The following PCDHA12 variants were observed in gnomAD, a reference collection of about 807,000 sequenced individuals.
PCDHA12 encodes the protein protocadherin alpha-12.
Under a neutral mutation model 60.0 loss-of-function variants are expected in PCDHA12, and 44 were observed. The ratio of observed to expected loss-of-function variants is 0.73; its 90% CI spans 0.58 to 0.94. The LOEUF (loss-of-function observed/expected upper bound fraction) is 0.94, where lower values mean the gene tolerates loss of function less well. Ranked by LOEUF, PCDHA12 falls within the 40% of genes least tolerant of loss-of-function variation. The pLI is 0.00. For synonymous variants in PCDHA12, 569 were observed against 553.0 expected (o/e 1.03, Z -0.40); for missense variants, 1,276 against 1,239.7 (o/e 1.03, Z -0.44).
intron 2 of PCDHA12, among the ~76,000 whole-genome samples, chr5:140,981,442 C>T (rs1379745081): frequency 6.6e-6 from 1 of 151,988 alleles, no homozygotes; most frequent in Non-Finnish European, 1.5e-5. Flanking sequence ...GGCATGGTGG[C>T]GGGTGCCTGT....
chr5:140,931,759 T>C (rs2087738384), intron 1 of PCDHA12, among the ~76,000 whole-genome samples: 2 of 151,994 alleles, frequency 1.3e-5, no homozygotes, highest in African/African-American at 4.8e-5. Flanking sequence ...GCATTTGTTA[T>C]TTACTTCTTC....
intron 3 of PCDHA12, among the ~76,000 whole-genome samples, chr5:141,005,571 G>A (rs1053042213): frequency 4.0e-5 from 6 of 151,334 alleles, no homozygotes; most frequent in African/African-American, 4.9e-5. Context: ...GCATGGTGGC[G>A]CGTGCCTGTA....
chr5:140,971,386 G>A (rs1413710321), intron 1 of PCDHA12, among the ~76,000 whole-genome samples: 1 of 152,140 alleles, frequency 6.6e-6, no homozygotes, highest in East Asian at 1.9e-4. Flanking sequence ...CTTTAATAAA[G>A]GCAAATTTCT....
At position 141,010,088 on chromosome 5, in the gene PCDHA12, C is replaced by T. The variant is rs1165296922; in HGVS notation, c.*151C>T. ...GAAAGTTCCCTGTGTCTGTCTAGAA[C>T]GCATTTAACAGGTTTTGTCGTAAAA... On this transcript the variant is annotated 3_prime_UTR_variant, in exon 4 of 4. Transcript: ENST00000398631. 2.0e-5 allele frequency: 33 copies of T among 1,612,012 alleles called. No homozygotes were observed. Among genetic ancestry groups the T allele is most frequent in the South Asian group, 4.4e-5 (4 of 90,728 alleles).
At chr5:140,927,946 G>T (rs1341193072) in intron 1 of PCDHA12, 1 of 1,614,096 alleles carries the variant, frequency 6.2e-7, no homozygotes, top group African/African-American at 1.3e-5. Context: ...AGTACCTGAG[G>T]ACGCTGCCCC....
At chr5:140,890,707 T>A (rs1217575075) in intron 1 of PCDHA12, among the ~76,000 whole-genome samples, 1 of 152,206 alleles carries the variant, frequency 6.6e-6, no homozygotes, top group African/African-American at 2.4e-5. Context: ...CTTACATTTT[T>A]AAAATCTTTT....
At chr5:140,967,166 G>T (rs563863114) in intron 1 of PCDHA12, 1 of 1,611,394 alleles carries the variant, frequency 6.2e-7, no homozygotes, top group South Asian at 1.1e-5. Context: ...GGTGAGCGCC[G>T]TTGAGGTGGA....
At chr5:140,963,517 T>C (rs2095769422) in intron 1 of PCDHA12, among the ~76,000 whole-genome samples, 1 of 152,238 alleles carries the variant, frequency 6.6e-6, no homozygotes, top group East Asian at 1.9e-4. Flanking sequence ...GGGGTTCTCA[T>C]AACAGAAGTC....
At chr5:140,928,855 C>T (rs781997277) in intron 1 of PCDHA12, 1 of 1,614,184 alleles carries the variant, frequency 6.2e-7, no homozygotes, top group Non-Finnish European at 8.5e-7. Context: ...TCTGGGTGTG[C>T]TGTTGAGCAA....
chr5:140,995,401 G>A (rs576317630), intron 3 of PCDHA12, among the ~76,000 whole-genome samples: 7 of 152,238 alleles, frequency 4.6e-5, no homozygotes, highest in African/African-American at 1.4e-4. Context: ...GGGATGGCTC[G>A]AGATTTCATC....
At chr5:140,947,371 A>G (rs1468768080) in intron 1 of PCDHA12, among the ~76,000 whole-genome samples, 1 of 151,626 alleles carries the variant, frequency 6.6e-6, no homozygotes, top group Non-Finnish European at 1.5e-5. Context: ...CCTTTGATCT[A>G]TATGTTTATC....
At chr5:140,994,562 G>A (rs1554254244) in intron 3 of PCDHA12, among the ~76,000 whole-genome samples, 2 of 152,094 alleles carry the variant, frequency 1.3e-5, no homozygotes, top group Non-Finnish European at 2.9e-5. Context: ...AAAATTAGCC[G>A]GGTGTGGTGG....
At chr5:140,889,156 G>T in intron 1 of PCDHA12, among the ~76,000 whole-genome samples, 1 of 150,034 alleles carries the variant, frequency 6.7e-6, no homozygotes, top group Admixed American at 6.6e-5. Flanking sequence ...TTTCTTCTTT[G>T]TTAAGTATTC....
At position 140,875,378 on chromosome 5, in the gene PCDHA12, T is replaced by C. The variant is rs758524366; in HGVS notation, c.-95T>C. 85 of 1,458,484 alleles carry C rather than the reference T, an allele frequency of 5.8e-5. No homozygotes were observed. Among genetic ancestry groups the C allele is most frequent in the Non-Finnish European group, 7.4e-5 (82 of 1,105,858 alleles). 90.3% of individuals were successfully genotyped at this position (1,458,484 alleles called of 1,614,324 possible). Reference sequence around the variant, plus strand: ...GATGCTGGAAAAAATTTACTAAATATGTACTTACAGAAAAGGGTGACTGCT... The same window carrying C: ...GATGCTGGAAAAAATTTACTAAATACGTACTTACAGAAAAGGGTGACTGCT... On this transcript the variant is annotated 5_prime_UTR_variant, in exon 1 of 4. The change abolishes an upstream ATG in the 5' untranslated region. Coordinates refer to ENST00000398631, the MANE Select transcript of PCDHA12 (RefSeq NM_018903.4).
chr5:140,972,758 A>G lies in PCDHA12; in HGVS notation c.2368-6191A>G, dbSNP rs563540989. Among the ~76,000 whole-genome samples, 16 of 150,884 alleles carry G rather than the reference A, an allele frequency of 1.1e-4. No individual in the cohort carries two copies. In the South Asian group the frequency reaches 3.4e-3, roughly 32 times the overall value. On this transcript the variant is annotated intron_variant, in intron 1 of 3. Transcript: ENST00000398631. ...GGCTCACTGCAACCTCCGCCTCCCA[A>G]GTTAAAGTGATTCTTCTGCCTCAGC...
At chr5:140,920,503 A>G (rs1411233164) in intron 1 of PCDHA12, among the ~76,000 whole-genome samples, 1 of 152,126 alleles carries the variant, frequency 6.6e-6, no homozygotes, top group Non-Finnish European at 1.5e-5. Flanking sequence ...AGTTCTACAT[A>G]CTGTTTTATG....
At chr5:141,004,030 C>T (rs1337271425) in intron 3 of PCDHA12, among the ~76,000 whole-genome samples, 1 of 152,204 alleles carries the variant, frequency 6.6e-6, no homozygotes, top group Non-Finnish European at 1.5e-5. Flanking sequence ...GAAACATTTC[C>T]TTGATTGATC....
Position 140,875,610 on chromosome 5 carries a change from C to T in PCDHA12, c.138C>T (p.Gly46=), listed in dbSNP as rs1266412721. Residue 46 remains glycine (G), a synonymous_variant, in exon 1 of 4, where the codon GGC becomes GGT. Coordinates refer to ENST00000398631, the MANE Select transcript of PCDHA12 (RefSeq NM_018903.4). ...YEEAKHGTFV[G]RIAQDLGLEL... ...AGGCCAAACACGGCACCTTCGTGGGCCGCATCGCTCAGGACCTGGGGCTGG... is the reference window on the plus strand; with the variant it reads ...AGGCCAAACACGGCACCTTCGTGGGTCGCATCGCTCAGGACCTGGGGCTGG... 6 of 1,613,716 alleles carry T rather than the reference C, an allele frequency of 3.7e-6. No individual in the cohort carries two copies. The highest frequency in any genetic ancestry group is 1.3e-5 in the African/African-American group (1 of 74,948).
rs144770143 is a variant in PCDHA12 at position 140,947,157 on chromosome 5, G to A, written c.2368-31792G>A. Among the ~76,000 whole-genome samples the A allele has an allele frequency of 6.6e-3, 992 of 151,208 alleles. 6 individuals are homozygous for A. The highest frequency in any genetic ancestry group is 0.022 in the African/African-American group (913 of 41,346). ...TAAAATGTATAGTTACTTCCACGGG[G>A]TAGAAAATGTGGTATATATTCATGG... On this transcript the variant is annotated intron_variant, in intron 1 of 3. Transcript: ENST00000398631.
Sources: allele counts gnomAD v4.1 joint callset (sites outside exome capture counted in the v4.1 genomes callset), GRCh38; gene constraint gnomAD v4.1.1; transcripts MANE v1.5; gene names NCBI Gene and HGNC (gene_info 2026-07-23, HGNC 2026-07-21).